MAN1B1: variants seen among roughly 807,000 people sequenced by gnomAD.
MAN1B1 encodes the protein mannosidase alpha class 1B member 1, also known as endoplasmic reticulum mannosyl-oligosaccharide 1,2-alpha-mannosidase.
In MAN1B1, 66 loss-of-function variants were observed where a neutral mutation model predicts 75.5. That is an observed-to-expected ratio of 0.87 (90% CI 0.72 to 1.07). MAN1B1 has a LOEUF of 1.07. Ranked by LOEUF, MAN1B1 falls within the 50% of genes least tolerant of loss-of-function variation. MAN1B1 has a pLI of 0.00. For missense variants in MAN1B1, 973 were observed against 912.5 expected (o/e 1.07, Z -0.85); for synonymous variants, 453 against 382.8 (o/e 1.18, Z -2.14).
At chr9:137,087,281 C>T in intron 1 of MAN1B1, 63 bp downstream of exon 1, 5 of 1,514,482 alleles carry the variant, frequency 3.3e-6, no homozygotes, top group Non-Finnish European at 3.6e-6. Flanking sequence ...TCCCAGACTG[C>T]GGCTCCGAGC....
chr9:137,096,456 C>G, intron 4 of MAN1B1, 65 bp downstream of exon 4: 3 of 1,557,714 alleles, frequency 1.9e-6, no homozygotes, highest in Non-Finnish European at 2.6e-6. Flanking sequence ...AACAAGATTG[C>G]GGAAACGCAT....
rs560606747 is a variant in MAN1B1 at position 137,109,084 on chromosome 9, C to T, written c.*493C>T. On this transcript the variant is annotated 3_prime_UTR_variant, in exon 13 of 13. Coordinates refer to ENST00000371589, the MANE Select transcript of MAN1B1 (RefSeq NM_016219.5). ...GACTCAGGGATCCTCCTGGCCGCCC[C>T]GCAGGGGGCTTGGAGGGCTGGACGG... 12 of 455,832 alleles carry T rather than the reference C, an allele frequency of 2.6e-5. No individual in the cohort carries two copies. Among genetic ancestry groups the T allele is most frequent in the Non-Finnish European group, 4.4e-5 (10 of 227,314 alleles). The allele number at this position is 455,832 out of a possible 1,614,324, so 28.2% of individuals were successfully genotyped here.
In MAN1B1 at chr9:137,108,981, C is replaced by G. The variant is rs1259446754; in HGVS notation, c.*390C>G. 1 of 463,966 alleles carries G rather than the reference C, an allele frequency of 2.2e-6. No homozygotes were observed. Among genetic ancestry groups the G allele is most frequent in the Non-Finnish European group, 4.3e-6 (1 of 232,334 alleles). The allele number at this position is 463,966 out of a possible 1,614,324, so 28.7% of individuals were successfully genotyped here. On this transcript the variant is annotated 3_prime_UTR_variant, in exon 13 of 13. Transcript: ENST00000371589. ...CGGGCTCGTGAAGCCTCAGATGTCC[C>G]CAATCCAAGGGTCTGGAGGGGCTGC...
chr9:137,090,579 G>A (rs1588583613), intron 3 of MAN1B1, among the ~76,000 whole-genome samples: 1 of 151,384 alleles, frequency 6.6e-6, no homozygotes, highest in South Asian at 2.1e-4. Context: ...TCACTCTGTC[G>A]CCCAGGCTGG....
rs532853884 is a variant in MAN1B1, at chr9:137,087,302, C to T, written c.219+84C>T. ...ACTGCGGCTCCGAGCGGGACCTGGG[C>T]GGGCGGACTCGACTCCCCAGGCGCC... On this transcript the variant is annotated intron_variant, in intron 1 of 12. Transcript: ENST00000371589. The T allele has an allele frequency of 1.3e-5, 19 of 1,435,156 alleles. No individual in the cohort carries two copies. The South Asian group carries it at 2.1e-4, about 16-fold the overall frequency. The allele number at this position is 1,435,156 out of a possible 1,614,324, so 88.9% of individuals were successfully genotyped here. A position where few individuals can be genotyped will look rare whatever the true frequency, so the allele number is the denominator to read the frequency against.
At position 137,100,683 on chromosome 9, in the gene MAN1B1, G is replaced by C. The variant is rs142929457; in HGVS notation, c.917-322G>C. On this transcript the variant is annotated intron_variant, in intron 6 of 12. Coordinates refer to ENST00000371589, the MANE Select transcript of MAN1B1 (RefSeq NM_016219.5). ...GGCCCAGGCTGGAGTGCAGTGGCAC[G>C]ATCTCAGTTCACTGCAGCCTTCGCC... Among the ~76,000 whole-genome samples the C allele has an allele frequency of 8.7e-3, 1,325 of 152,182 alleles. 12 individuals are homozygous for C. The highest frequency in any genetic ancestry group is 0.022 in the African/African-American group (928 of 41,464).
At chr9:137,088,350 AAC>A in intron 2 of MAN1B1, 167 bp downstream of exon 2, 1 of 1,596,182 alleles carries the variant, frequency 6.3e-7, no homozygotes, top group Non-Finnish European at 8.5e-7. Context: ...ACCTGGCTAG[AAC>A]ACAGATGTTA....
chr9:137,096,170 C>A, intron 3 of MAN1B1, 67 bp from the exon 4 acceptor site: 1 of 1,566,766 alleles, frequency 6.4e-7, no homozygotes, highest in Non-Finnish European at 8.8e-7. Flanking sequence ...TGAGGGCGTC[C>A]CATAGAGGGA....
intron 8 of MAN1B1, chr9:137,104,239 TTG>T (rs1187657569): frequency 1.6e-4 from 58 of 361,310 alleles, no homozygotes; most frequent in African/African-American, 3.8e-4. Context: ...TGTCCTTTTT[TTG>T]TTTTCGTTTG....
At chr9:137,088,780 A>C in intron 2 of MAN1B1, 89 bp from the exon 3 acceptor site, 1 of 1,360,594 alleles carries the variant, frequency 7.3e-7, no homozygotes, top group Non-Finnish European at 1.0e-6. Context: ...TTTGTAATGG[A>C]TAGTGCCTGC....
intron 3 of MAN1B1, among the ~76,000 whole-genome samples, chr9:137,095,110 C>T (rs1007232870): frequency 6.6e-6 from 1 of 152,100 alleles, no homozygotes; most frequent in Admixed American, 6.6e-5. Context: ...ATCGTTTGAA[C>T]CCAGGAGGTG....
chr9:137,106,254 G>A lies in MAN1B1; in HGVS notation c.1384G>A (p.Ala462Thr). 1 of 1,581,134 alleles carries A rather than the reference G, an allele frequency of 6.3e-7. No homozygotes were observed. Among genetic ancestry groups the A allele is most frequent in the Non-Finnish European group, 8.6e-7 (1 of 1,163,718 alleles). Reference sequence around the variant, plus strand: ...GGGCGTATTCACGCTGGGCGCCAGGGCCGACAGCTACTATGAGTACCTGCT... The same window carrying A: ...GGGCGTATTCACGCTGGGCGCCAGGACCGACAGCTACTATGAGTACCTGCT... ...HLGVFTLGAR[A>T]DSYYEYLLKQ... The change falls in exon 9 of 13, where the codon GCC becomes ACC. Residue 462 changes from alanine (A) to threonine (T), a missense_variant. Transcript: ENST00000371589.
rs946716926 is a variant in MAN1B1, at chr9:137,109,178, C to G, written c.*587C>G. 4.4e-6 allele frequency: 2 copies of G among 454,382 alleles called. No homozygotes were observed. Among genetic ancestry groups the G allele is most frequent in the Non-Finnish European group, 8.8e-6 (2 of 226,840 alleles). 28.1% of individuals were successfully genotyped at this position (454,382 alleles called of 1,614,324 possible). ...TTCGGTGGAGATAAAAGTTGATTTG[C>G]TCTAACCGCGATGTCGCCTGTGTCT... On this transcript the variant is annotated 3_prime_UTR_variant, in exon 13 of 13. Coordinates refer to ENST00000371589, the MANE Select transcript of MAN1B1 (RefSeq NM_016219.5).
At position 137,088,869 on chromosome 9, in the gene MAN1B1, C is replaced by T. The variant is rs1489891522; in HGVS notation, c.329C>T (p.Ala110Val). Reference sequence around the variant, plus strand: ...AAATAAAATAGCTTCTGTTATTCAGCTCTGGCTTTCAGGCTAGAGGAAGAG... The same window carrying T: ...AAATAAAATAGCTTCTGTTATTCAGTTCTGGCTTTCAGGCTAGAGGAAGAG... The part of the protein sequence containing the change: ...FYINLADHWK[A>V]LAFRLEEEQK... The change falls in exon 3 of 13, where the codon GCT becomes GTT. Residue 110 changes from alanine (A) to valine (V), a missense_variant and splice_region_variant. By Grantham distance (64) the Ala-to-Val change is moderately conservative. Coordinates refer to ENST00000371589, the MANE Select transcript of MAN1B1 (RefSeq NM_016219.5). 5 of 1,613,912 alleles carry T rather than the reference C, an allele frequency of 3.1e-6. No homozygotes were observed. Among genetic ancestry groups the T allele is most frequent in the Non-Finnish European group, 4.2e-6 (5 of 1,180,032 alleles).
chr9:137,106,714 A>G lies in MAN1B1; in HGVS notation c.1471A>G (p.Ile491Val). Residue 491 changes from isoleucine (I) to valine (V), a missense_variant, in exon 10 of 13, where the codon ATC becomes GTC. Physicochemically the swap from Ile to Val is conservative, Grantham distance 29 (BLOSUM62 3). Transcript: ENST00000371589. Reference sequence around the variant, plus strand: ...GCTGCTGGAAGACTACGTGGAAGCCATCGAGGGTGTCAGAACGCACCTGCT... The same window carrying G: ...GCTGCTGGAAGACTACGTGGAAGCCGTCGAGGGTGTCAGAACGCACCTGCT... Reference protein sequence around the residue: ...TQLLEDYVEAIEGVRTHLLRH... With the variant: ...TQLLEDYVEAVEGVRTHLLRH... The G allele has an allele frequency of 7.4e-6, 12 of 1,613,524 alleles. No homozygotes were observed. The highest frequency in any genetic ancestry group is 1.0e-5 in the Non-Finnish European group (12 of 1,179,994).
chr9:137,097,596 T>C (rs1052595514), intron 4 of MAN1B1, among the ~76,000 whole-genome samples: 5 of 152,186 alleles, frequency 3.3e-5, no homozygotes, highest in African/African-American at 1.2e-4. Flanking sequence ...AGCTCTGGTC[T>C]CTGACCTCAG....
chr9:137,087,209 G>C lies in MAN1B1; in HGVS notation c.210G>C (p.Ser70=). ...YDNSKSWRRR[S]CWRKWKQLSR... Reference sequence around the variant, plus strand: ...ACAGCAAGAGTTGGCGGCGGCGCTCGTGCTGGAGGGTGAGGGTCGCGCCGG... The same window carrying C: ...ACAGCAAGAGTTGGCGGCGGCGCTCCTGCTGGAGGGTGAGGGTCGCGCCGG... Residue 70 remains serine, a synonymous_variant, in exon 1 of 13, where the codon TCG becomes TCC. Transcript: ENST00000371589. 6.3e-7 allele frequency: 1 copy of C among 1,577,024 alleles called. No homozygotes were observed. Among genetic ancestry groups the C allele is most frequent in the Non-Finnish European group, 8.6e-7 (1 of 1,161,810 alleles).
intron 8 of MAN1B1, chr9:137,103,600 GTGTT>G (rs1456101226): frequency 2.3e-6 from 1 of 443,618 alleles, no homozygotes; most frequent in Non-Finnish European, 4.5e-6. Flanking sequence ...CGGGTCGGTG[GTGTT>G]ACACACATTC....
At chr9:137,094,334 A>G in intron 3 of MAN1B1, 1 of 445,194 alleles carries the variant, frequency 2.2e-6, no homozygotes, top group Non-Finnish European at 4.5e-6. Context: ...GTGATTTTTA[A>G]GACTAGGTGA....
Sources: allele counts gnomAD v4.1 joint callset (sites outside exome capture counted in the v4.1 genomes callset), GRCh38; gene constraint gnomAD v4.1.1; transcripts MANE v1.5; gene names NCBI Gene and HGNC (gene_info 2026-07-23, HGNC 2026-07-21).